Variants in ARHGEF28 observed in about 807,000 individuals in gnomAD.
ARHGEF28 encodes Rho guanine nucleotide exchange factor 28.
ARHGEF28 carries 152 observed loss-of-function variants against 206.6 expected under a neutral mutation model. That is an observed-to-expected ratio of 0.74 (90% CI 0.64 to 0.84). ARHGEF28 has a LOEUF of 0.84. Ranked by LOEUF, ARHGEF28 falls within the 40% of genes least tolerant of loss-of-function variation. The pLI, the probability that ARHGEF28 is intolerant of heterozygous loss-of-function variation, is 0.00. For missense variants in ARHGEF28, 2,028 were observed against 2,073.2 expected (o/e 0.98, Z 0.42); for synonymous variants, 763 against 776.4 (o/e 0.98, Z 0.29).
At position 73,832,374 on chromosome 5, in the gene ARHGEF28, C is replaced by G. The variant is rs372079481; in HGVS notation, c.1061C>G (p.Pro354Arg). The G allele has an allele frequency of 1.2e-6, 2 of 1,612,700 alleles. No individual in the cohort carries two copies. Among genetic ancestry groups the G allele is most frequent in the African/African-American group, 1.3e-5 (1 of 75,018 alleles). ...GATATCCTAAAAAAATCCAAGCCGC[C>G]CTCGACATTGCTTGCTGCAGGCCGG... ...SFDILKKSKP[P>R]STLLAAGRLS... is the part of the protein sequence containing the mutation. The change falls in exon 10 of 36, where the codon CCC becomes CGC. Residue 354 changes from proline (P) to arginine (R), a missense_variant. Around this residue, in one of 3 missense-constraint regions of ARHGEF28, gnomAD observed 1,002 missense variants for 1,015.3 expected, o/e 0.99. Coordinates refer to ENST00000513042, the MANE Select transcript of ARHGEF28 (RefSeq NM_001177693.2).
Position 73,857,683 on chromosome 5 carries a change from C to T in ARHGEF28, c.1818C>T (p.Tyr606=), listed in dbSNP as rs1759134922. ...TTCAGGAAGAAGAATGGGATAAATA[C>T]ATCATACCTGCCAAATCAGAGTCTG... ...NRIQEEEWDK[Y]IIPAKSESEK... The change falls in exon 15 of 36, where the codon TAC becomes TAT. Residue 606 remains tyrosine (Y), a synonymous_variant. Coordinates refer to ENST00000513042, the MANE Select transcript of ARHGEF28 (RefSeq NM_001177693.2). The T allele has an allele frequency of 1.9e-6, 3 of 1,593,674 alleles. No homozygotes were observed. Among genetic ancestry groups the T allele is most frequent in the Non-Finnish European group, 2.6e-6 (3 of 1,168,976 alleles).
At chr5:73,651,819 C>T (rs966941002) in intron 1 of ARHGEF28, among the ~76,000 whole-genome samples, 11 of 152,218 alleles carry the variant, frequency 7.2e-5, no homozygotes, top group African/African-American at 2.2e-4. Flanking sequence ...TTTGTCTGAA[C>T]TTATGGCTCA....
intron 21 of ARHGEF28, among the ~76,000 whole-genome samples, chr5:73,872,485 G>A (rs576971830): frequency 1.3e-5 from 2 of 152,152 alleles, no homozygotes; most frequent in African/African-American, 4.8e-5. Flanking sequence ...GTGATGCATT[G>A]TTTTCCTCTG....
chr5:73,823,739 C>T lies in ARHGEF28; in HGVS notation c.1025-8599C>T, dbSNP rs1044345540. Among the ~76,000 whole-genome samples, 3 of 152,130 alleles carry T rather than the reference C, an allele frequency of 2.0e-5. No homozygotes were observed. In the South Asian group the frequency reaches 6.2e-4, roughly 31 times the overall value. On this transcript the variant is annotated intron_variant, in intron 9 of 35. Coordinates refer to ENST00000513042, the MANE Select transcript of ARHGEF28 (RefSeq NM_001177693.2). Reference sequence around the variant, plus strand: ...AAAAATACCAGACATTGCTCAAATACCATTTTCTTTGGTTCAAAATAGGAT... The same window carrying T: ...AAAAATACCAGACATTGCTCAAATATCATTTTCTTTGGTTCAAAATAGGAT...
intron 4 of ARHGEF28, among the ~76,000 whole-genome samples, chr5:73,755,800 T>C (rs937275210): frequency 4.6e-5 from 7 of 152,184 alleles, no homozygotes; most frequent in African/African-American, 1.7e-4. Context: ...CCATTTTCAT[T>C]GCTATTTGGG....
intron 1 of ARHGEF28, among the ~76,000 whole-genome samples, chr5:73,630,776 A>AT (rs772403319): frequency 1.3e-5 from 2 of 152,172 alleles, no homozygotes; most frequent in Non-Finnish European, 2.9e-5. Context: ...AGAGCAACCC[A>AT]TTTTTTAACA....
chr5:73,664,648 A>G (rs1279731230), intron 1 of ARHGEF28, among the ~76,000 whole-genome samples: 1 of 152,160 alleles, frequency 6.6e-6, no homozygotes, highest in Non-Finnish European at 1.5e-5. Flanking sequence ...GATGTCTTTT[A>G]TGAGCTCCTC....
chr5:73,775,687 TG>T (rs1486729860), intron 5 of ARHGEF28, among the ~76,000 whole-genome samples: 2 of 152,214 alleles, frequency 1.3e-5, no homozygotes, highest in African/African-American at 4.8e-5. Context: ...AACAATCTGG[TG>T]GGATGTGACA....
At chr5:73,838,056 C>T (rs1757766772) in intron 10 of ARHGEF28, among the ~76,000 whole-genome samples, 2 of 152,018 alleles carry the variant, frequency 1.3e-5, no homozygotes, top group South Asian at 4.1e-4. Context: ...AATTTTTATT[C>T]TGGAATATTC....
In ARHGEF28 at chr5:73,753,052, C is replaced by T. The variant is rs897275356; in HGVS notation, c.325C>T (p.Arg109Cys). The stretch of plus-strand genomic sequence containing the variant: ...TCGTCTGCTGGTGACGCAGGCCAAT[C>T]GCCTCACAGCCTGCAGCCACCAGAC... ...LARLLVTQAN[R>C]LTACSHQTLL... Residue 109 changes from arginine (R) to cysteine (C), a missense_variant, in exon 4 of 36, where the codon CGC becomes TGC. Around this residue, in one of 3 missense-constraint regions of ARHGEF28, gnomAD observed 1,002 missense variants for 1,015.3 expected, o/e 0.99. Coordinates refer to ENST00000513042, the MANE Select transcript of ARHGEF28 (RefSeq NM_001177693.2). The T allele has an allele frequency of 8.1e-6, 13 of 1,610,004 alleles. No individual in the cohort carries two copies. Among genetic ancestry groups the T allele is most frequent in the East Asian group, 2.2e-5 (1 of 44,776 alleles).
At chr5:73,638,920 A>G (rs1387538430) in intron 1 of ARHGEF28, among the ~76,000 whole-genome samples, 1 of 151,912 alleles carries the variant, frequency 6.6e-6, no homozygotes, top group Non-Finnish European at 1.5e-5. Flanking sequence ...TATGTGGTTG[A>G]TTTCCCCACT....
intron 29 of ARHGEF28, among the ~76,000 whole-genome samples, chr5:73,897,600 G>T (rs150036538): frequency 3.3e-5 from 5 of 152,234 alleles, no homozygotes; most frequent in Non-Finnish European, 5.9e-5. Flanking sequence ...ACTGAAAGTT[G>T]CATTTGAGAT....
At chr5:73,661,382 A>G (rs1255585689) in intron 1 of ARHGEF28, among the ~76,000 whole-genome samples, 1 of 152,022 alleles carries the variant, frequency 6.6e-6, no homozygotes, top group African/African-American at 2.4e-5. Context: ...ACACCACTCA[A>G]ACTTTCTCCG....
intron 1 of ARHGEF28, 91 bp from the exon 2 acceptor site, chr5:73,684,750 C>G (rs1486459112): frequency 1.8e-6 from 2 of 1,081,530 alleles, no homozygotes; most frequent in Admixed American, 2.5e-5. Flanking sequence ...GTTTGCTTCT[C>G]CCTCCACAAT....
intron 10 of ARHGEF28, among the ~76,000 whole-genome samples, chr5:73,833,458 T>C (rs1462171785): frequency 2.6e-5 from 4 of 151,960 alleles, no homozygotes; most frequent in African/African-American, 9.7e-5. Flanking sequence ...GCAGCACAGA[T>C]TGGGATGGTA....
chr5:73,683,048 C>G (rs898076872), intron 1 of ARHGEF28, among the ~76,000 whole-genome samples: 1 of 152,048 alleles, frequency 6.6e-6, no homozygotes, highest in Non-Finnish European at 1.5e-5. Context: ...TCTGGTGGAC[C>G]CAGAAGGCAT....
At chr5:73,850,208 T>C (rs1351142040) in intron 13 of ARHGEF28, among the ~76,000 whole-genome samples, 1 of 151,928 alleles carries the variant, frequency 6.6e-6, no homozygotes, top group African/African-American at 2.4e-5. Context: ...TGAATGAGTA[T>C]GAGAAAAAGA....
At chr5:73,662,607 T>C (rs1045068353) in intron 1 of ARHGEF28, among the ~76,000 whole-genome samples, 1 of 152,226 alleles carries the variant, frequency 6.6e-6, no homozygotes, top group Non-Finnish European at 1.5e-5. Context: ...TCACAAAATA[T>C]TTGAAATATT....
rs371703887 is a variant in ARHGEF28, at chr5:73,776,568, G to A, written c.712G>A (p.Ala238Thr). 55 of 1,613,732 alleles carry A rather than the reference G, an allele frequency of 3.4e-5. No homozygotes were observed. Among genetic ancestry groups the A allele is most frequent in the Admixed American group, 2.7e-4 (16 of 59,992 alleles). Residue 238 changes from alanine (A) to threonine (T), a missense_variant, in exon 6 of 36, where the codon GCC becomes ACC. This residue lies in a region of ARHGEF28 where 1,002 missense variants were observed against 1,015.3 expected (regional missense o/e 0.99). Transcript: ENST00000513042. ...CTCCCGAGTGCAGCTCAGTGAAGAA[G>A]CCTCCTTGCATTACATTCACTCATC... is the stretch of plus-strand genomic sequence containing the variant. ...SFSRVQLSEE[A>T]SLHYIHSSET...
Sources: gnomAD v4.1 joint callset for allele counts (sites outside exome capture counted in the v4.1 genomes callset) on GRCh38, gnomAD v4.1.1 for gene constraint, gnomAD v4.1.1 regional missense constraint, MANE v1.5 for transcripts, NCBI Gene and HGNC (gene_info 2026-07-23, HGNC 2026-07-21) for gene names.